APBA1: variants seen among roughly 807,000 people sequenced by gnomAD.
The protein encoded by APBA1 is amyloid-beta A4 precursor protein-binding family A member 1.
A neutral mutation model predicts 86.6 loss-of-function variants in APBA1; 55 were observed. The observed-to-expected ratio is 0.64, with a 90% CI of 0.51 to 0.80. APBA1 has a LOEUF of 0.80. Among genes scored for constraint, APBA1 ranks in the 30% least tolerant of loss-of-function variants. The pLI is 0.00. For synonymous variants in APBA1, 511 were observed against 493.9 expected, an observed-to-expected ratio of 1.03 and a Z score of -0.46; for missense variants, 1,090 against 1,183.0, an observed-to-expected ratio of 0.92 and a Z score of 1.15.
intron 1 of APBA1, among the ~76,000 whole-genome samples, chr9:69,580,106 G>A (rs745771699): frequency 1.3e-5 from 2 of 152,212 alleles, no homozygotes; most frequent in African/African-American, 2.4e-5. Flanking sequence ...GAGGAGATGG[G>A]AAGCTGTGGT....
chr9:69,623,602 A>G (rs1822870006), intron 1 of APBA1, among the ~76,000 whole-genome samples: 1 of 152,222 alleles, frequency 6.6e-6, no homozygotes, highest in African/African-American at 2.4e-5. Context: ...CTTTACACCA[A>G]TTGTTCTCAA....
At chr9:69,636,918 GGAAGGAAA>G (rs1190912347) in intron 1 of APBA1, among the ~76,000 whole-genome samples, 136 of 84,890 alleles carry the variant, frequency 1.6e-3, no homozygotes, top group African/African-American at 6.2e-3. Context: ...AAGGAAGGAA[GGAAGGAAA>G]GAAAGAAAGA....
chr9:69,587,981 G>T (rs1198775657), intron 1 of APBA1, among the ~76,000 whole-genome samples: 3 of 145,418 alleles, frequency 2.1e-5, no homozygotes, highest in African/African-American at 7.6e-5. Flanking sequence ...AATTGAGATT[G>T]TGCCATCGTA....
rs938479434 is a variant in APBA1, at chr9:69,458,153, C to T, written c.1515+3G>A. On this transcript the variant is annotated splice_donor_region_variant and intron_variant, in intron 6 of 12. Coordinates refer to ENST00000265381, the MANE Select transcript of APBA1 (RefSeq NM_001163.4). ...CAAGCTGATGAAGTTGTTTGTACTG[C>T]ACCTTCTTCCTGCTTTTGGCTAATT... 8 of 1,611,788 alleles carry T rather than the reference C, an allele frequency of 5.0e-6. No homozygotes were observed. Among genetic ancestry groups the T allele is most frequent in the Admixed American group, 3.4e-5 (2 of 59,264 alleles).
intron 1 of APBA1, among the ~76,000 whole-genome samples, chr9:69,587,660 T>C (rs1822047482): frequency 1.3e-5 from 2 of 152,058 alleles, no homozygotes; most frequent in Non-Finnish European, 1.5e-5. Flanking sequence ...TCCAATAAGA[T>C]TCTCCAGTAC....
intron 1 of APBA1, among the ~76,000 whole-genome samples, chr9:69,608,063 CA>C (rs974521124): frequency 2.7e-4 from 41 of 152,178 alleles, no homozygotes; most frequent in Admixed American, 2.5e-3. Context: ...ACTATTTTTA[CA>C]CTACTCTGAT....
chr9:69,444,075 G>T (rs772131714), intron 10 of APBA1, among the ~76,000 whole-genome samples: 1 of 152,036 alleles, frequency 6.6e-6, no homozygotes, highest in Non-Finnish European at 1.5e-5. Context: ...TTTCCCCGCC[G>T]TCAGCATCTG....
In APBA1 at chr9:69,476,039, G is replaced by A. The variant is rs934935610; in HGVS notation, c.1296+9C>T. ...GCCCAATGGCTTTGGTAACAAAACA[G>A]CACCCTACCTCTTTATTAGTGGACG... is the stretch of plus-strand genomic sequence containing the variant. On this transcript the variant is annotated intron_variant, in intron 3 of 12. Transcript: ENST00000265381. 1.2e-6 allele frequency: 2 copies of A among 1,611,776 alleles called. No individual in the cohort carries two copies. Among genetic ancestry groups the A allele is most frequent in the African/African-American group, 1.3e-5 (1 of 75,008 alleles).
rs1039721580 is a variant in APBA1 at position 69,429,761 on chromosome 9, A to T, written c.*1566T>A. The T allele has an allele frequency of 2.0e-5, 3 of 151,048 alleles. No individual in the cohort carries two copies. Among genetic ancestry groups the T allele is most frequent in the African/African-American group, 7.3e-5 (3 of 41,034 alleles). 9.4% of individuals were successfully genotyped at this position (151,048 alleles called of 1,614,324 possible). ...CCCACCATTTGCTCACTGAGTTCCTATTTCCATAGACACAACATAAATATC... is the reference window on the plus strand; with the variant it reads ...CCCACCATTTGCTCACTGAGTTCCTTTTTCCATAGACACAACATAAATATC... On this transcript the variant is annotated 3_prime_UTR_variant, in exon 13 of 13. Transcript: ENST00000265381.
intron 1 of APBA1, among the ~76,000 whole-genome samples, chr9:69,594,432 G>T (rs1822191132): frequency 1.3e-5 from 2 of 152,112 alleles, no homozygotes; most frequent in Non-Finnish European, 2.9e-5. Flanking sequence ...TGGACAAACA[G>T]GACTTCTTAT....
rs138556062 is a variant in APBA1 at position 69,432,162 on chromosome 9, T to C, written c.2442+374A>G. Among the ~76,000 whole-genome samples the C allele has an allele frequency of 9.2e-3, 1,400 of 152,366 alleles. 26 individuals carry two copies. The highest frequency in any genetic ancestry group is 0.032 in the African/African-American group (1,328 of 41,576). On this transcript the variant is annotated intron_variant, in intron 12 of 12. Transcript: ENST00000265381. ...GGGTCACACCTCTGGAAGGCCACTTTGTTGATTCAACTTGAGTCTAAGACT... is the reference window on the plus strand; with the variant it reads ...GGGTCACACCTCTGGAAGGCCACTTCGTTGATTCAACTTGAGTCTAAGACT...
chr9:69,551,355 C>A (rs1481293150), intron 1 of APBA1, among the ~76,000 whole-genome samples: 3 of 152,056 alleles, frequency 2.0e-5, no homozygotes, highest in African/African-American at 7.2e-5. Flanking sequence ...AGTTCGAGAC[C>A]AGCCTGTCCA....
At chr9:69,460,402 G>A (rs1381148915) in intron 5 of APBA1, among the ~76,000 whole-genome samples, 1 of 152,198 alleles carries the variant, frequency 6.6e-6, no homozygotes. Context: ...GAGGATTCCC[G>A]TGTGGAACCC....
At chr9:69,462,077 T>C (rs189490513) in intron 5 of APBA1, 4 of 152,352 alleles carry the variant, frequency 2.6e-5, no homozygotes, top group Admixed American at 1.3e-4. Flanking sequence ...TATTTGATAA[T>C]GAATGCAGCT....
At chr9:69,658,278 TTCTTTCTC>T (rs1338033141) in intron 1 of APBA1, among the ~76,000 whole-genome samples, 1 of 65,558 alleles carries the variant, frequency 1.5e-5, no homozygotes, top group African/African-American at 5.7e-5. Context: ...CTTTCTTTCT[TTCTTTCTC>T]TCTCTCTTTC....
chr9:69,623,649 T>C (rs1451972633), intron 1 of APBA1, among the ~76,000 whole-genome samples: 1 of 152,262 alleles, frequency 6.6e-6, no homozygotes, highest in East Asian at 1.9e-4. Context: ...GGAGGGTGTG[T>C]AAAAATGCAG....
At chr9:69,467,711 CA>C in intron 5 of APBA1, 111 bp downstream of exon 5, 1 of 1,423,260 alleles carries the variant, frequency 7.0e-7, no homozygotes, top group Non-Finnish European at 9.6e-7. Context: ...TGTGTGATGT[CA>C]TCTCAAACCA....
intron 2 of APBA1, among the ~76,000 whole-genome samples, chr9:69,496,809 T>C (rs951952988): frequency 3.3e-5 from 5 of 152,106 alleles, no homozygotes; most frequent in Admixed American, 1.3e-4. Context: ...TTCCTCACCA[T>C]TTAACTCTCC....
intron 1 of APBA1, among the ~76,000 whole-genome samples, chr9:69,625,159 C>T (rs1822904236): frequency 6.6e-6 from 1 of 152,200 alleles, no homozygotes. Flanking sequence ...CCACAAAAGC[C>T]TGTACCTGTC....
Sources: allele counts gnomAD v4.1 joint callset (sites outside exome capture counted in the v4.1 genomes callset), GRCh38; gene constraint gnomAD v4.1.1; transcripts MANE v1.5; gene names NCBI Gene and HGNC (gene_info 2026-07-23, HGNC 2026-07-21).